The following FAM184A variants were observed in gnomAD, a reference collection of about 807,000 sequenced individuals.
FAM184A encodes family with sequence similarity 184 member A.
In FAM184A, 99 loss-of-function variants were observed where a neutral mutation model predicts 143.8. The observed-to-expected ratio is 0.69, with a 90% CI of 0.58 to 0.81. The LOEUF (loss-of-function observed/expected upper bound fraction) is 0.81. Among genes scored for constraint, FAM184A ranks in the 40% least tolerant of loss-of-function variants. The pLI, the probability that FAM184A is intolerant of heterozygous loss-of-function variation, is 0.00. For synonymous variants in FAM184A, 427 were observed against 446.4 expected, an observed-to-expected ratio of 0.96 and a Z score of 0.55; for missense variants, 1,217 against 1,310.5, an observed-to-expected ratio of 0.93 and a Z score of 1.10.
At chr6:119,117,428 T>A (rs1789089452) in intron 1 of FAM184A, among the ~76,000 whole-genome samples, 1 of 152,242 alleles carries the variant, frequency 6.6e-6, no homozygotes, top group Non-Finnish European at 1.5e-5. Flanking sequence ...GTACTTAAAG[T>A]TGTCAGTAGG....
intron 1 of FAM184A, among the ~76,000 whole-genome samples, chr6:119,119,667 A>T (rs1789159750): frequency 6.6e-6 from 1 of 152,112 alleles, no homozygotes; most frequent in Non-Finnish European, 1.5e-5. Flanking sequence ...TGCCTTTTTA[A>T]AAAAAGTAAT....
intron 9 of FAM184A, among the ~76,000 whole-genome samples, chr6:119,002,043 T>C (rs1447080805): frequency 6.6e-6 from 1 of 152,196 alleles, no homozygotes; most frequent in Non-Finnish European, 1.5e-5. Flanking sequence ...AATTATGAGA[T>C]ACTAGACACA....
At chr6:119,127,414 G>A (rs562404591) in intron 1 of FAM184A, among the ~76,000 whole-genome samples, 2 of 152,298 alleles carry the variant, frequency 1.3e-5, no homozygotes, top group African/African-American at 4.8e-5. Context: ...TCTGACAGGG[G>A]AAAAGAGTAG....
At chr6:119,032,725 C>T (rs1159607911) in intron 1 of FAM184A, among the ~76,000 whole-genome samples, 2 of 152,100 alleles carry the variant, frequency 1.3e-5, no homozygotes, top group Non-Finnish European at 2.9e-5. Context: ...GAATACATAA[C>T]CACTACATGA....
chr6:118,977,061 G>A (rs1360891950), intron 11 of FAM184A, among the ~76,000 whole-genome samples: 1 of 152,172 alleles, frequency 6.6e-6, no homozygotes, highest in East Asian at 1.9e-4. Flanking sequence ...CCAGAGAAAT[G>A]AAACTTATGT....
At chr6:119,077,291 C>T (rs559584628) in intron 1 of FAM184A, among the ~76,000 whole-genome samples, 1 of 152,266 alleles carries the variant, frequency 6.6e-6, no homozygotes, top group Non-Finnish European at 1.5e-5. Context: ...TGTTAGGAGA[C>T]AGCTTAAACA....
At chr6:119,004,331 T>C (rs1014014934) in intron 7 of FAM184A, among the ~76,000 whole-genome samples, 1 of 152,200 alleles carries the variant, frequency 6.6e-6, no homozygotes, top group Non-Finnish European at 1.5e-5. Flanking sequence ...AATGACCCTT[T>C]CTAGATCATC....
intron 8 of FAM184A, among the ~76,000 whole-genome samples, chr6:119,003,271 TAA>T (rs779757841): frequency 2.0e-4 from 30 of 152,146 alleles, no homozygotes; most frequent in Non-Finnish European, 4.0e-4. Context: ...CCAGAACAAA[TAA>T]GTCTTCTGAC....
At chr6:119,147,079 G>GT (rs35549765) in intron 1 of FAM184A, among the ~76,000 whole-genome samples, 46,812 of 139,812 alleles carry the variant, frequency 0.33, 8,165 homozygotes, top group Admixed American at 0.42. Flanking sequence ...TTTTTTTTTT[G>GT]TTTTTTTGTC....
chr6:119,053,881 T>TA (rs1211166137), intron 1 of FAM184A, among the ~76,000 whole-genome samples: 4 of 152,268 alleles, frequency 2.6e-5, no homozygotes, highest in Non-Finnish European at 5.9e-5. Context: ...TGTTTTAAAA[T>TA]ACTTTTCTGT....
rs192729354 is a variant in FAM184A, at chr6:119,015,574, C to G, written c.1530+1173G>C. ...AGCTGCCTTCCCACGGGGCAGGCCT[C>G]GGGACTGCAGCCCGCCATGCCTGAG... On this transcript the variant is annotated intron_variant, in intron 5 of 17. Coordinates refer to ENST00000338891, the MANE Select transcript of FAM184A (RefSeq NM_024581.6). Among the ~76,000 whole-genome samples the G allele has an allele frequency of 3.3e-5, 5 of 152,318 alleles. No homozygotes were observed. The East Asian group carries it at 9.7e-4, about 29-fold the overall frequency.
At chr6:119,083,018 G>A (rs1788113761), upstream of FAM184A, among the ~76,000 whole-genome samples, 1 of 152,236 alleles carries the variant, frequency 6.6e-6, no homozygotes, top group Non-Finnish European at 1.5e-5. Flanking sequence ...TCTAGGCAGA[G>A]GTTCTCAAAC....
At chr6:118,984,207 T>G (rs1041052642) in intron 9 of FAM184A, among the ~76,000 whole-genome samples, 1 of 142,774 alleles carries the variant, frequency 7.0e-6, no homozygotes, top group Non-Finnish European at 1.5e-5. Context: ...TTATATATAT[T>G]TATATTTATA....
In FAM184A at chr6:118,976,160, A is replaced by G; in HGVS notation, c.2456-116T>C. 3.4e-6 allele frequency: 3 copies of G among 886,502 alleles called. No homozygotes were observed. The South Asian group carries it at 4.9e-5, about 14-fold the overall frequency. The allele number at this position is 886,502 out of a possible 1,614,324, so 54.9% of individuals were successfully genotyped here. On this transcript the variant is annotated intron_variant, in intron 11 of 17. Coordinates refer to ENST00000338891, the MANE Select transcript of FAM184A (RefSeq NM_024581.6). ...AAAATTAGAACACTTGTGTATGTCC[A>G]TTAAATTAATAGATTATAAACTATG...
intron 1 of FAM184A, among the ~76,000 whole-genome samples, chr6:119,051,639 T>C (rs953480456): frequency 6.6e-6 from 1 of 152,052 alleles, no homozygotes; most frequent in African/African-American, 2.4e-5. Context: ...CATAAATATA[T>C]ACGAGTACTA....
chr6:119,003,761 A>C (rs1194776625), intron 7 of FAM184A, 139 bp from the exon 8 acceptor site: 3 of 765,758 alleles, frequency 3.9e-6, no homozygotes, highest in Non-Finnish European at 5.5e-6. Flanking sequence ...CTATCTGTGA[A>C]AATGACTCAA....
At chr6:119,095,262 C>T (rs1025510273) in intron 1 of FAM184A, among the ~76,000 whole-genome samples, 8 of 152,208 alleles carry the variant, frequency 5.3e-5, no homozygotes, top group Non-Finnish European at 1.0e-4. Flanking sequence ...TTTGTCTCCT[C>T]AAAGGCACTG....
intron 1 of FAM184A, among the ~76,000 whole-genome samples, chr6:119,118,266 C>T (rs1483730683): frequency 6.6e-6 from 1 of 152,144 alleles, no homozygotes; most frequent in Non-Finnish European, 1.5e-5. Context: ...TCATTTCTTC[C>T]TATGTAAAAT....
At chr6:119,010,781 T>G (rs984010539) in intron 6 of FAM184A, among the ~76,000 whole-genome samples, 1 of 152,220 alleles carries the variant, frequency 6.6e-6, no homozygotes, top group Non-Finnish European at 1.5e-5. Context: ...CATATTTTAT[T>G]TATATTCATA....
Sources: allele counts gnomAD v4.1 joint callset (sites outside exome capture counted in the v4.1 genomes callset), GRCh38; gene constraint gnomAD v4.1.1; transcripts MANE v1.5; gene names NCBI Gene and HGNC (gene_info 2026-07-23, HGNC 2026-07-21).